Variants in PTPRD observed in about 807,000 individuals in gnomAD.
PTPRD encodes receptor-type tyrosine-protein phosphatase delta.
Under a neutral mutation model 214.5 loss-of-function variants are expected in PTPRD, and 34 were observed. That is an observed-to-expected ratio of 0.16 (90% CI 0.12 to 0.21). PTPRD has a LOEUF of 0.21. Among genes scored for constraint, PTPRD ranks in the 10% least tolerant of loss-of-function variants. The pLI is 1.00. For missense variants in PTPRD, 2,545 were observed against 2,398.7 expected, an observed-to-expected ratio of 1.06 and a Z score of -1.27; for synonymous variants, 1,128 against 845.7, an observed-to-expected ratio of 1.33 and a Z score of -5.79.
intron 7 of PTPRD, among the ~76,000 whole-genome samples, chr9:9,576,225 T>A (rs946754654): frequency 1.3e-5 from 2 of 152,166 alleles, no homozygotes; most frequent in Admixed American, 6.6e-5. Context: ...CATGAAGGAA[T>A]AATACTTCAT....
chr9:10,434,447 G>C (rs915934776), intron 2 of PTPRD, among the ~76,000 whole-genome samples: 1 of 151,844 alleles, frequency 6.6e-6, no homozygotes, highest in Non-Finnish European at 1.5e-5. Flanking sequence ...ATTATCATTG[G>C]TTTGCTTTGC....
rs569658274 is a variant in PTPRD at position 9,871,001 on chromosome 9, A to G, written c.-368+67506T>C. Among the ~76,000 whole-genome samples the G allele has an allele frequency of 2.0e-4, 30 of 152,226 alleles. No homozygotes were observed. The East Asian group carries it at 5.6e-3, about 28-fold the overall frequency. On this transcript the variant is annotated intron_variant, in intron 5 of 45. Coordinates refer to ENST00000381196, the MANE Select transcript of PTPRD (RefSeq NM_002839.4). The stretch of plus-strand genomic sequence containing the variant: ...TAAACTGTTCAATTAACAAATTACT[A>G]CTCCATAAAAATTAAGAGATGTATT...
At chr9:8,856,733 G>T (rs936567692) in intron 11 of PTPRD, among the ~76,000 whole-genome samples, 13 of 152,160 alleles carry the variant, frequency 8.5e-5, no homozygotes, top group African/African-American at 3.1e-4. Flanking sequence ...GATAGTCCTG[G>T]TTTTGGAGAA....
At chr9:8,912,449 A>C (rs1488206369) in intron 11 of PTPRD, among the ~76,000 whole-genome samples, 3 of 152,154 alleles carry the variant, frequency 2.0e-5, no homozygotes, top group Non-Finnish European at 4.4e-5. Context: ...ACTTTACAGA[A>C]AGGACAAACC....
intron 9 of PTPRD, among the ~76,000 whole-genome samples, chr9:9,280,231 T>C (rs894584271): frequency 3.0e-4 from 46 of 151,266 alleles, no homozygotes; most frequent in African/African-American, 1.1e-3. Flanking sequence ...TGTGAAGGCA[T>C]GTACTAAGAC....
intron 3 of PTPRD, among the ~76,000 whole-genome samples, chr9:10,189,640 T>C (rs1184292083): frequency 6.6e-6 from 1 of 152,048 alleles, no homozygotes; most frequent in Non-Finnish European, 1.5e-5. Flanking sequence ...ACAGGAATCC[T>C]GCCCTCACAG....
intron 8 of PTPRD, among the ~76,000 whole-genome samples, chr9:9,413,409 C>A (rs557591500): frequency 2.6e-5 from 4 of 152,050 alleles, no homozygotes; most frequent in Non-Finnish European, 4.4e-5. Context: ...CCACCGCGCC[C>A]GGCCTGCAGC....
intron 35 of PTPRD, among the ~76,000 whole-genome samples, chr9:8,427,513 T>C (rs368223868): frequency 1.4e-4 from 21 of 152,072 alleles, no homozygotes; most frequent in African/African-American, 4.3e-4. Flanking sequence ...GCCAACAGCA[T>C]ACCGAGAGGC....
intron 11 of PTPRD, among the ~76,000 whole-genome samples, chr9:8,903,306 G>A (rs1422528725): frequency 6.6e-6 from 1 of 152,110 alleles, no homozygotes; most frequent in Non-Finnish European, 1.5e-5. Context: ...CTAGCCACAT[G>A]CTATTACACT....
chr9:8,896,413 G>C (rs1335873272), intron 11 of PTPRD, among the ~76,000 whole-genome samples: 8 of 152,062 alleles, frequency 5.3e-5, no homozygotes, highest in African/African-American at 1.7e-4. Context: ...AACTAATATA[G>C]ATGGCAGAAA....
At chr9:9,766,427 T>C (rs546947794) in intron 6 of PTPRD, among the ~76,000 whole-genome samples, 1 of 152,220 alleles carries the variant, frequency 6.6e-6, no homozygotes, top group African/African-American at 2.4e-5. Context: ...AAAACCTAGA[T>C]ACTTTTAGGT....
At chr9:9,435,047 T>C (rs1287466152) in intron 8 of PTPRD, among the ~76,000 whole-genome samples, 1 of 151,850 alleles carries the variant, frequency 6.6e-6, no homozygotes, top group African/African-American at 2.4e-5. Flanking sequence ...AAACTGATAA[T>C]TAGGTCCAGA....
At chr9:10,229,444 A>C (rs2099600622) in intron 3 of PTPRD, among the ~76,000 whole-genome samples, 1 of 152,076 alleles carries the variant, frequency 6.6e-6, no homozygotes, top group Non-Finnish European at 1.5e-5. Context: ...AAAGACTTGG[A>C]ACCAACCCAA....
chr9:8,665,810 T>C (rs1029834801), intron 12 of PTPRD, among the ~76,000 whole-genome samples: 3 of 152,178 alleles, frequency 2.0e-5, no homozygotes, highest in African/African-American at 4.8e-5. Flanking sequence ...AAATTCAATA[T>C]CCAAAGAAAT....
chr9:10,511,797 C>T (rs2048129384), intron 2 of PTPRD, among the ~76,000 whole-genome samples: 1 of 148,784 alleles, frequency 6.7e-6, no homozygotes. Flanking sequence ...TACCACATGT[C>T]CTTTACTCAA....
chr9:10,576,857 G>A (rs2069560916), intron 2 of PTPRD, among the ~76,000 whole-genome samples: 1 of 152,044 alleles, frequency 6.6e-6, no homozygotes, highest in Non-Finnish European at 1.5e-5. Flanking sequence ...TTGTTAACAA[G>A]GGTAGATGCC....
intron 10 of PTPRD, among the ~76,000 whole-genome samples, chr9:9,116,008 G>A (rs1476610042): frequency 1.3e-5 from 2 of 152,066 alleles, no homozygotes; most frequent in Admixed American, 1.3e-4. Flanking sequence ...TTATAAGTGA[G>A]CTAAACATTG....
intron 8 of PTPRD, among the ~76,000 whole-genome samples, chr9:9,448,437 C>T (rs187174933): frequency 2.4e-4 from 37 of 152,086 alleles, no homozygotes; most frequent in African/African-American, 8.9e-4. Context: ...GCAAGTTCTT[C>T]CTTTGCAGTT....
At chr9:10,063,085 A>G (rs887787671) in intron 3 of PTPRD, among the ~76,000 whole-genome samples, 2 of 152,054 alleles carry the variant, frequency 1.3e-5, no homozygotes. Context: ...TGTGCATGGG[A>G]GTGAAATTCT....
Sources: gnomAD v4.1 joint callset for allele counts (sites outside exome capture counted in the v4.1 genomes callset) on GRCh38, gnomAD v4.1.1 for gene constraint, MANE v1.5 for transcripts, NCBI Gene and HGNC (gene_info 2026-07-23, HGNC 2026-07-21) for gene names.